THRB: variants seen among roughly 807,000 people sequenced by gnomAD.
THRB encodes the protein nuclear receptor subfamily 1 group A member 2.
A neutral mutation model predicts 47.8 loss-of-function variants in THRB; 12 were observed. The ratio of observed to expected loss-of-function variants is 0.25; its 90% confidence interval spans 0.16 to 0.41. The LOEUF (loss-of-function observed/expected upper bound fraction) is 0.41. THRB is among the 10% of genes least tolerant of loss of function. The probability of loss-of-function intolerance (pLI) is 1.00; values close to 1 mark genes in which losing one functional copy is unlikely to be tolerated. For missense variants in THRB, 348 were observed against 589.2 expected (o/e 0.59, Z 4.24); for synonymous variants, 218 against 212.2 (o/e 1.03, Z -0.24).
chr3:24,178,727 C>T lies in THRB; in HGVS notation c.283+11347G>A, dbSNP rs1322115844. The stretch of plus-strand genomic sequence containing the variant: ...TATGTGGAATGGAAAAAGCTGAAAT[C>T]GAAGCAGACTAGAGTAGAATGGTGA... On this transcript the variant is annotated intron_variant, in intron 5 of 10. Transcript: ENST00000646209. Among the ~76,000 whole-genome samples the T allele has an allele frequency of 2.6e-5, 4 of 152,062 alleles. No homozygotes were observed. In the East Asian group the frequency reaches 5.8e-4, roughly 22 times the overall value.
intron 1 of THRB, among the ~76,000 whole-genome samples, chr3:24,420,041 G>A (rs1393326557): frequency 3.3e-5 from 5 of 151,836 alleles, no homozygotes; most frequent in Non-Finnish European, 7.4e-5. Flanking sequence ...ATAAAGCGAT[G>A]AACTTATTTA....
intron 3 of THRB, among the ~76,000 whole-genome samples, chr3:24,290,072 C>G (rs1399805089): frequency 1.3e-5 from 2 of 152,162 alleles, no homozygotes; most frequent in Non-Finnish European, 2.9e-5. Flanking sequence ...GTTGTGCTTT[C>G]CCTGTTTCCT....
intron 5 of THRB, among the ~76,000 whole-genome samples, chr3:24,181,986 G>A (rs1261715375): frequency 1.3e-5 from 2 of 152,178 alleles, no homozygotes; most frequent in Non-Finnish European, 2.9e-5. Flanking sequence ...CGGATCACGA[G>A]TTCAGGAGAT....
At chr3:24,399,471 T>C (rs1471736943) in intron 1 of THRB, among the ~76,000 whole-genome samples, 1 of 151,986 alleles carries the variant, frequency 6.6e-6, no homozygotes, top group Non-Finnish European at 1.5e-5. Flanking sequence ...TTAGGAATAA[T>C]GAGAATTGTA....
At chr3:24,291,071 A>G (rs1167711426) in intron 3 of THRB, among the ~76,000 whole-genome samples, 1 of 152,200 alleles carries the variant, frequency 6.6e-6, no homozygotes, top group Non-Finnish European at 1.5e-5. Flanking sequence ...TCCTTAATGT[A>G]CCTTTCCACA....
intron 4 of THRB, among the ~76,000 whole-genome samples, chr3:24,209,148 C>G (rs2045737857): frequency 6.6e-6 from 1 of 152,162 alleles, no homozygotes; most frequent in Non-Finnish European, 1.5e-5. Context: ...CCATCTCACA[C>G]CAGTTAGAAT....
intron 4 of THRB, among the ~76,000 whole-genome samples, chr3:24,194,477 A>G (rs182098636): frequency 3.3e-5 from 5 of 152,314 alleles, no homozygotes; most frequent in African/African-American, 1.2e-4. Context: ...CTAGACATCA[A>G]CACAATTAAT....
chr3:24,454,480 G>A (rs896960045), intron 1 of THRB, among the ~76,000 whole-genome samples: 1 of 152,144 alleles, frequency 6.6e-6, no homozygotes, highest in Non-Finnish European at 1.5e-5. Flanking sequence ...TCACTCAATT[G>A]TGTGCACTTT....
At chr3:24,233,913 C>T (rs1338510491) in intron 3 of THRB, among the ~76,000 whole-genome samples, 3 of 152,200 alleles carry the variant, frequency 2.0e-5, no homozygotes, top group African/African-American at 7.2e-5. Flanking sequence ...ATGCATGTCT[C>T]ATAGGCTGGG....
chr3:24,378,258 T>G (rs2065439318), intron 1 of THRB, among the ~76,000 whole-genome samples: 2 of 152,276 alleles, frequency 1.3e-5, no homozygotes, highest in African/African-American at 4.8e-5. Flanking sequence ...ATATGACAAA[T>G]AAAAATAAGA....
At chr3:24,460,323 C>T (rs533841953) in intron 1 of THRB, among the ~76,000 whole-genome samples, 5 of 152,224 alleles carry the variant, frequency 3.3e-5, no homozygotes, top group Admixed American at 1.3e-4. Flanking sequence ...CAAACATCAT[C>T]AGGAACATCA....
chr3:24,295,928 CATTTAATTTT>C (rs2056410659), intron 3 of THRB, among the ~76,000 whole-genome samples: 1 of 152,192 alleles, frequency 6.6e-6, no homozygotes, highest in African/African-American at 2.4e-5. Flanking sequence ...GGCTACCAAC[CATTTAATTTT>C]ATTTAATTTT....
At chr3:24,157,043 C>T (rs555445775) in intron 5 of THRB, among the ~76,000 whole-genome samples, 2 of 152,288 alleles carry the variant, frequency 1.3e-5, no homozygotes, top group African/African-American at 2.4e-5. Flanking sequence ...GTTTATTTAA[C>T]AGCATGTATG....
Position 24,190,281 on chromosome 3 carries a change from C to G in THRB, c.76G>C (p.Asp26His), listed in dbSNP as rs776036533. 6.2e-7 allele frequency: 1 copy of G among 1,613,906 alleles called. No individual in the cohort carries two copies. The highest frequency in any genetic ancestry group is 1.3e-5 in the African/African-American group (1 of 74,886). The change falls in exon 5 of 11, where the codon GAC (aspartate) becomes CAC (histidine). Residue 26 changes from aspartate (D) to histidine (H), a missense_variant. This residue lies in a region of THRB where 148 missense variants were observed against 122.3 expected (regional missense o/e 1.21). Coordinates refer to ENST00000646209, the MANE Select transcript of THRB (RefSeq NM_001354712.2). ...KPKHCPDREH[D>H]WKLVGMSEAC... ...TCAGACATTCCTACTAGCTTCCAGT[C>G]GTGTTCTCGGTCTGGACAGTGCTTC...
chr3:24,378,022 TG>T (rs2065423620), intron 1 of THRB, among the ~76,000 whole-genome samples: 1 of 152,212 alleles, frequency 6.6e-6, no homozygotes, highest in African/African-American at 2.4e-5. Flanking sequence ...GCTGATTCTT[TG>T]ACCAATTTTT....
At chr3:24,268,845 A>G (rs2052935631) in intron 3 of THRB, among the ~76,000 whole-genome samples, 1 of 152,112 alleles carries the variant, frequency 6.6e-6, no homozygotes, top group Non-Finnish European at 1.5e-5. Flanking sequence ...TCTATTATAT[A>G]AATAATTAAG....
chr3:24,265,275 T>C (rs1406394142), intron 3 of THRB, among the ~76,000 whole-genome samples: 2 of 151,844 alleles, frequency 1.3e-5, no homozygotes, highest in Non-Finnish European at 2.9e-5. Flanking sequence ...TCCTGGAGTT[T>C]GTTCACTGAA....
intron 1 of THRB, among the ~76,000 whole-genome samples, chr3:24,444,499 TA>T (rs34878263): frequency 0.33 from 50,931 of 152,052 alleles, 9,196 homozygotes; most frequent in African/African-American, 0.44. Flanking sequence ...TCATATCACA[TA>T]AGACTTGAAA....
At chr3:24,393,299 G>A (rs1434931943) in intron 1 of THRB, among the ~76,000 whole-genome samples, 1 of 152,116 alleles carries the variant, frequency 6.6e-6, no homozygotes, top group Admixed American at 6.6e-5. Flanking sequence ...ATCACTCAAA[G>A]AACCATGCCA....
Sources: gnomAD v4.1 joint callset for allele counts (sites outside exome capture counted in the v4.1 genomes callset) on GRCh38, gnomAD v4.1.1 for gene constraint, gnomAD v4.1.1 regional missense constraint, MANE v1.5 for transcripts, NCBI Gene and HGNC (gene_info 2026-07-23, HGNC 2026-07-21) for gene names.